The following B3GNT4 variants were observed in gnomAD, a reference collection of about 807,000 sequenced individuals.
B3GNT4 encodes N-acetyllactosaminide beta-1,3-N-acetylglucosaminyltransferase 4.
In B3GNT4, 2 loss-of-function variants were observed where a neutral mutation model predicts 2.7. The ratio of observed to expected loss-of-function variants is 0.73; its 90% CI spans 0.30 to 2.31. B3GNT4 has a LOEUF of 2.31. B3GNT4 is among the 30% of genes most tolerant of loss of function. The pLI is 0.12. For missense variants in B3GNT4, 708 were observed against 490.9 expected, an observed-to-expected ratio of 1.44 and a Z score of -4.18; for synonymous variants, 280 against 203.4, an observed-to-expected ratio of 1.38 and a Z score of -3.20.
rs1593165805 is a variant in B3GNT4, at chr12:122,208,916, A to G, written c.*1528A>G. The G allele has an allele frequency of 5.2e-6, 2 of 387,676 alleles. No homozygotes were observed. The highest frequency in any genetic ancestry group is 1.3e-4 in the East Asian group (2 of 14,914). 24.0% of individuals were successfully genotyped at this position (387,676 alleles called of 1,614,324 possible). On this transcript the variant is annotated 3_prime_UTR_variant, in exon 3 of 3. Coordinates refer to ENST00000324189, the MANE Select transcript of B3GNT4 (RefSeq NM_030765.4). ...ACACATCTTCCATTTCTTTTTGACAAAGAGATCATGAATAAAATTGTCAAA... is the reference window on the plus strand; with the variant it reads ...ACACATCTTCCATTTCTTTTTGACAGAGAGATCATGAATAAAATTGTCAAA...
At position 122,208,354 on chromosome 12, in the gene B3GNT4, G is replaced by T. The variant is rs1157635684; in HGVS notation, c.*966G>T. ...CTGCCCCTGCTTTCCCCACTGAGTGGGGAGACAGGGCAGTGTGCTCAGGCC... is the reference window on the plus strand; with the variant it reads ...CTGCCCCTGCTTTCCCCACTGAGTGTGGAGACAGGGCAGTGTGCTCAGGCC... On this transcript the variant is annotated 3_prime_UTR_variant, in exon 3 of 3. Transcript: ENST00000324189. The T allele has an allele frequency of 6.2e-7, 1 of 1,610,178 alleles. No homozygotes were observed. The highest frequency in any genetic ancestry group is 8.5e-7 in the Non-Finnish European group (1 of 1,179,730).
Position 122,206,908 on chromosome 12 carries a change from C to CGATGTCTTT in B3GNT4, c.659_667dup (p.Asp220_Phe222dup). 1 of 1,614,060 alleles carries CGATGTCTTT rather than the reference C, an allele frequency of 6.2e-7. No homozygotes were observed. Among genetic ancestry groups the CGATGTCTTT allele is most frequent in the East Asian group, 2.2e-5 (1 of 44,858 alleles). On this transcript the variant is annotated inframe_insertion, in exon 3 of 3. Transcript: ENST00000324189. ...CCCATTTCATGCTAAAGGGAGATGA[C>CGATGTCTTT]GATGTCTTTGTCCACGTCCCCAACG...
In B3GNT4 at chr12:122,208,589, T is replaced by C. The variant is rs754889194; in HGVS notation, c.*1201T>C. ...GGCCTGATCTGCGCCTGCCAAAAGA[T>C]GGGACAATCGGGTTGAGCAGCCGTG... On this transcript the variant is annotated 3_prime_UTR_variant, in exon 3 of 3. Transcript: ENST00000324189. 7 of 1,610,932 alleles carry C rather than the reference T, an allele frequency of 4.3e-6. No homozygotes were observed. The highest frequency in any genetic ancestry group is 5.9e-6 in the Non-Finnish European group (7 of 1,179,890).
chr12:122,204,480 C>T lies in B3GNT4; in HGVS notation c.-97-42C>T, dbSNP rs950235405. 14 of 747,512 alleles carry T rather than the reference C, an allele frequency of 1.9e-5. No individual in the cohort carries two copies. The East Asian group carries it at 3.5e-4, about 19-fold the overall frequency. 46.3% of individuals were successfully genotyped at this position (747,512 alleles called of 1,614,324 possible). On this transcript the variant is annotated intron_variant, in intron 1 of 2. Transcript: ENST00000324189. ...CAAGCCACCTGCTGTGCGCCCTTCT[C>T]GGTGAATGGCACCGCCGCCCGCCCG... is the stretch of plus-strand genomic sequence containing the variant.
chr12:122,206,904 A>G lies in B3GNT4; in HGVS notation c.653A>G (p.Asp218Gly), dbSNP rs1408300714. Reference sequence around the variant, plus strand: ...CAGGCCCATTTCATGCTAAAGGGAGATGACGATGTCTTTGTCCACGTCCCC... The same window carrying G: ...CAGGCCCATTTCATGCTAAAGGGAGGTGACGATGTCTTTGTCCACGTCCCC... Reference protein sequence around the residue: ...CPQAHFMLKGDDDVFVHVPNV... With the variant: ...CPQAHFMLKGGDDVFVHVPNV... Residue 218 changes from aspartate (D) to glycine (G), a missense_variant, in exon 3 of 3, where the codon GAT becomes GGT. Physicochemically the swap from Asp to Gly is moderately conservative, Grantham distance 94. Coordinates refer to ENST00000324189, the MANE Select transcript of B3GNT4 (RefSeq NM_030765.4). 5 of 1,613,914 alleles carry G rather than the reference A, an allele frequency of 3.1e-6. No homozygotes were observed. Among genetic ancestry groups the G allele is most frequent in the Non-Finnish European group, 4.2e-6 (5 of 1,180,022 alleles).
chr12:122,206,371 G>A lies in B3GNT4; in HGVS notation c.120G>A (p.Val40=), dbSNP rs759265337. 2 of 1,608,886 alleles carry A rather than the reference G, an allele frequency of 1.2e-6. No homozygotes were observed. The highest frequency in any genetic ancestry group is 2.2e-5 in the East Asian group (1 of 44,862). Residue 40 remains valine (V), a synonymous_variant, in exon 3 of 3, where the codon GTG becomes GTA. Coordinates refer to ENST00000324189, the MANE Select transcript of B3GNT4 (RefSeq NM_030765.4). ...LCWLVSYSLA[V]LLLGCLLFLR... is the part of the protein sequence containing the mutation. ...GGCTGGTCTCGTACAGCTTGGCTGT[G>A]CTGTTGCTCGGCTGCCTGCTCTTCC...
rs546846027 is a variant in B3GNT4 at position 122,208,495 on chromosome 12, C to T, written c.*1107C>T. The stretch of plus-strand genomic sequence containing the variant: ...CTTCTGCCAGCTTGGTTTCTGCTTT[C>T]CGGGAGAGCTGGTGCACCTCTTCCA... On this transcript the variant is annotated 3_prime_UTR_variant, in exon 3 of 3. Transcript: ENST00000324189. 2 of 1,614,036 alleles carry T rather than the reference C, an allele frequency of 1.2e-6. No individual in the cohort carries two copies. The highest frequency in any genetic ancestry group is 2.7e-5 in the African/African-American group (2 of 74,936).
At position 122,203,720 on chromosome 12, in the gene B3GNT4, C is replaced by T. The variant is rs1216158716; in HGVS notation, c.-179C>T. 3 of 290,042 alleles carry T rather than the reference C, an allele frequency of 1.0e-5. No individual in the cohort carries two copies. Among genetic ancestry groups the T allele is most frequent in the Non-Finnish European group, 1.3e-5 (2 of 157,648 alleles). 18.0% of individuals were successfully genotyped at this position (290,042 alleles called of 1,614,324 possible). A position where few individuals can be genotyped will look rare whatever the true frequency, so the allele number is the denominator to read the frequency against. On this transcript the variant is annotated 5_prime_UTR_variant, in exon 1 of 3. Coordinates refer to ENST00000324189, the MANE Select transcript of B3GNT4 (RefSeq NM_030765.4). ...CAGAAGCCCCGCCCACTCCCGAGCC[C>T]CGAGAGCTCCGCGCACCTGGGCGCC... is the stretch of plus-strand genomic sequence containing the variant.
rs756818381 is a variant in B3GNT4, at chr12:122,207,167, G to A, written c.916G>A (p.Val306Ile). 1 of 1,614,040 alleles carries A rather than the reference G, an allele frequency of 6.2e-7. No individual in the cohort carries two copies. Among genetic ancestry groups the A allele is most frequent in the Non-Finnish European group, 8.5e-7 (1 of 1,180,000 alleles). Residue 306 changes from valine (V) to isoleucine (I), a missense_variant, in exon 3 of 3, where the codon GTC (valine) becomes ATC (isoleucine). By Grantham distance (29) the Val-to-Ile change is conservative. Coordinates refer to ENST00000324189, the MANE Select transcript of B3GNT4 (RefSeq NM_030765.4). ...EDAELFPIDD[V>I]FVGMCLRRLG... ...TGCTGAACTCTTCCCCATTGATGAT[G>A]TCTTTGTGGGTATGTGCCTGAGGCG...
Position 122,207,038 on chromosome 12 carries a change from C to A in B3GNT4, c.787C>A (p.Pro263Thr). Residue 263 changes from proline to threonine, a missense_variant, in exon 3 of 3, where the codon CCA (proline) becomes ACA (threonine). Physicochemically the swap from Pro to Thr is conservative, Grantham distance 38. Coordinates refer to ENST00000324189, the MANE Select transcript of B3GNT4 (RefSeq NM_030765.4). ...NRNTKVKYFI[P>T]PSMYRATHYP... Reference sequence around the variant, plus strand: ...GAACACTAAGGTCAAATACTTCATCCCACCCTCAATGTACAGGGCCACCCA... The same window carrying A: ...GAACACTAAGGTCAAATACTTCATCACACCCTCAATGTACAGGGCCACCCA... 6.2e-7 allele frequency: 1 copy of A among 1,613,724 alleles called. No homozygotes were observed. The highest frequency in any genetic ancestry group is 8.5e-7 in the Non-Finnish European group (1 of 1,179,808).
rs780274177 is a variant in B3GNT4, at chr12:122,207,437, A to G, written c.*49A>G. 6.8e-7 allele frequency: 1 copy of G among 1,465,158 alleles called. No homozygotes were observed. The highest frequency in any genetic ancestry group is 2.3e-5 in the East Asian group (1 of 42,662). The allele number at this position is 1,465,158 out of a possible 1,614,324, so 90.8% of individuals were successfully genotyped here. ...AGAGTGGACTCAGTGTTGATTCTCTATCGTGATGCGAAATTGATGCCTGCT... is the reference window on the plus strand; with the variant it reads ...AGAGTGGACTCAGTGTTGATTCTCTGTCGTGATGCGAAATTGATGCCTGCT... On this transcript the variant is annotated 3_prime_UTR_variant, in exon 3 of 3. Coordinates refer to ENST00000324189, the MANE Select transcript of B3GNT4 (RefSeq NM_030765.4).
intron 2 of B3GNT4, 61 bp from the exon 3 acceptor site, chr12:122,206,257 C>G: frequency 7.1e-7 from 1 of 1,403,288 alleles, no homozygotes; most frequent in South Asian, 1.4e-5. Context: ...TTAACTCCTG[C>G]CCAACTCTTG....
intron 2 of B3GNT4, chr12:122,205,603 CCTT>C (rs1167669743): frequency 7.9e-5 from 12 of 152,392 alleles, no homozygotes; most frequent in African/African-American, 2.4e-4. Flanking sequence ...GTCTCCTCAT[CCTT>C]CTTTTCAGGT....
In B3GNT4 at chr12:122,206,383, C is replaced by G. The variant is rs1265471399; in HGVS notation, c.132C>G (p.Gly44=). The G allele has an allele frequency of 1.9e-6, 3 of 1,611,450 alleles. No homozygotes were observed. Among genetic ancestry groups the G allele is most frequent in the Non-Finnish European group, 1.7e-6 (2 of 1,179,350 alleles). The change falls in exon 3 of 3, where the codon GGC becomes GGG. Residue 44 remains glycine (G), a synonymous_variant. Coordinates refer to ENST00000324189, the MANE Select transcript of B3GNT4 (RefSeq NM_030765.4). ...ACAGCTTGGCTGTGCTGTTGCTCGG[C>G]TGCCTGCTCTTCCTGAGGAAGGCGG... The part of the protein sequence containing the change: ...VSYSLAVLLL[G]CLLFLRKAAK...
rs1374896035 is a variant in B3GNT4 at position 122,208,633 on chromosome 12, T to G, written c.*1245T>G. On this transcript the variant is annotated 3_prime_UTR_variant, in exon 3 of 3. Coordinates refer to ENST00000324189, the MANE Select transcript of B3GNT4 (RefSeq NM_030765.4). ...AGCCGTGCAGGGCGCGGAAGGCTCA[T>G]GTGGACGTTGGCCTGGGGGTGCTGT... The G allele has an allele frequency of 6.4e-7, 1 of 1,571,616 alleles. No homozygotes were observed. The highest frequency in any genetic ancestry group is 2.3e-5 in the East Asian group (1 of 44,026).
At chr12:122,204,869 T>C in intron 2 of B3GNT4, 185 bp downstream of exon 2, 2 of 583,876 alleles carry the variant, frequency 3.4e-6, no homozygotes, top group Non-Finnish European at 6.1e-6. Context: ...AGATACCACA[T>C]CTCTACAAAA....
In B3GNT4 at chr12:122,206,817, ACTT is replaced by A. The variant is rs769430362; in HGVS notation, c.571_573del (p.Phe191del). 120 of 1,612,438 alleles carry A rather than the reference ACTT, an allele frequency of 7.4e-5. No homozygotes were observed. Among genetic ancestry groups the A allele is most frequent in the East Asian group, 2.5e-4 (11 of 44,860 alleles). Reference sequence around the variant, plus strand: ...ATCCTCCAGTGGGACTTCACTGAGGACTTCTTCAACCTGACGCTCAAGGAGCTG... The same window carrying A: ...ATCCTCCAGTGGGACTTCACTGAGGACTTCAACCTGACGCTCAAGGAGCTG... On this transcript the variant is annotated inframe_deletion, in exon 3 of 3. Coordinates refer to ENST00000324189, the MANE Select transcript of B3GNT4 (RefSeq NM_030765.4).
rs747595280 is a variant in B3GNT4 at position 122,207,043 on chromosome 12, C to A, written c.792C>A (p.Pro264=). 2 of 1,613,670 alleles carry A rather than the reference C, an allele frequency of 1.2e-6. No homozygotes were observed. The highest frequency in any genetic ancestry group is 1.3e-5 in the African/African-American group (1 of 74,924). The change falls in exon 3 of 3, where the codon CCC becomes CCA. Residue 264 remains proline (P), a synonymous_variant. Coordinates refer to ENST00000324189, the MANE Select transcript of B3GNT4 (RefSeq NM_030765.4). ...CTAAGGTCAAATACTTCATCCCACC[C>A]TCAATGTACAGGGCCACCCACTACC... ...RNTKVKYFIP[P]SMYRATHYPP...
rs780949034 is a variant in B3GNT4 at position 122,208,410 on chromosome 12, C to A, written c.*1022C>A. On this transcript the variant is annotated 3_prime_UTR_variant, in exon 3 of 3. Transcript: ENST00000324189. Reference sequence around the variant, plus strand: ...TCCTCACGCAGGTAGGCCTCCTGCTCCGACTCAGCCCGCTCCTCCCCTTCC... The same window carrying A: ...TCCTCACGCAGGTAGGCCTCCTGCTACGACTCAGCCCGCTCCTCCCCTTCC... The A allele has an allele frequency of 3.7e-6, 6 of 1,613,122 alleles. No homozygotes were observed. The highest frequency in any genetic ancestry group is 5.1e-6 in the Non-Finnish European group (6 of 1,180,038).
Sources: gnomAD v4.1 joint callset for allele counts on GRCh38, gnomAD v4.1.1 for gene constraint, MANE v1.5 for transcripts, NCBI Gene and HGNC (gene_info 2026-07-23, HGNC 2026-07-21) for gene names.